AUTS2: variants seen among roughly 807,000 people sequenced by gnomAD.
The protein encoded by AUTS2 is activator of transcription and developmental regulator AUTS2.
AUTS2 carries 17 observed loss-of-function variants against 112.4 expected under a neutral mutation model. That is an observed-to-expected ratio of 0.15 (90% confidence interval 0.10 to 0.23). The LOEUF (loss-of-function observed/expected upper bound fraction) is 0.23, where lower values mean the gene tolerates loss of function less well. AUTS2 is among the 10% of genes least tolerant of loss of function. The probability of loss-of-function intolerance (pLI) is 1.00; values close to 1 mark genes in which losing one functional copy is unlikely to be tolerated. For synonymous variants in AUTS2, 751 were observed against 702.7 expected, an observed-to-expected ratio of 1.07 and a Z score of -1.09; for missense variants, 1,510 against 1,701.6, an observed-to-expected ratio of 0.89 and a Z score of 1.98.
chr7:69,632,186 A>G (rs1195148898), intron 1 of AUTS2, among the ~76,000 whole-genome samples: 1 of 152,166 alleles, frequency 6.6e-6, no homozygotes, highest in Non-Finnish European at 1.5e-5. Flanking sequence ...TGTCTGGATC[A>G]CCTATTTTGA....
At chr7:70,654,697 G>A (rs1247482383) in intron 5 of AUTS2, among the ~76,000 whole-genome samples, 1 of 152,160 alleles carries the variant, frequency 6.6e-6, no homozygotes, top group Non-Finnish European at 1.5e-5. Flanking sequence ...TACCACTATT[G>A]AGGCTAATTC....
At chr7:69,702,359 G>C (rs1215589547) in intron 1 of AUTS2, among the ~76,000 whole-genome samples, 1 of 152,190 alleles carries the variant, frequency 6.6e-6, no homozygotes, top group African/African-American at 2.4e-5. Flanking sequence ...AGGAGAAAAG[G>C]CAGAGGCAGG....
At chr7:69,666,765 G>A (rs1170112086) in intron 1 of AUTS2, among the ~76,000 whole-genome samples, 1 of 152,076 alleles carries the variant, frequency 6.6e-6, no homozygotes, top group African/African-American at 2.4e-5. Flanking sequence ...ACCTGGGTGT[G>A]GTGGTGTACA....
At chr7:69,891,938 G>A (rs1032682782) in intron 1 of AUTS2, among the ~76,000 whole-genome samples, 4 of 150,348 alleles carry the variant, frequency 2.7e-5, no homozygotes, top group African/African-American at 9.8e-5. Context: ...GATTACAGGT[G>A]CATGCCACCA....
intron 2 of AUTS2, among the ~76,000 whole-genome samples, chr7:69,949,570 A>C (rs1463886267): frequency 1.3e-5 from 2 of 152,164 alleles, no homozygotes; most frequent in African/African-American, 4.8e-5. Context: ...TAGTTTTTCT[A>C]CCTCCCAATT....
chr7:70,432,667 G>A (rs1795724023), intron 4 of AUTS2, among the ~76,000 whole-genome samples: 1 of 152,178 alleles, frequency 6.6e-6, no homozygotes, highest in Admixed American at 6.6e-5. Flanking sequence ...TTAGGAGCCA[G>A]GCAAGGCAAA....
chr7:70,684,004 G>A (rs935463494), intron 5 of AUTS2, among the ~76,000 whole-genome samples: 1 of 152,140 alleles, frequency 6.6e-6, no homozygotes, highest in Non-Finnish European at 1.5e-5. Context: ...CGACATTCTA[G>A]CTCCTCAGCT....
intron 1 of AUTS2, among the ~76,000 whole-genome samples, chr7:69,763,570 A>C (rs1291493754): frequency 2.0e-5 from 3 of 152,224 alleles, no homozygotes; most frequent in Non-Finnish European, 4.4e-5. Flanking sequence ...GATTTCAGGC[A>C]GACTAGACCG....
intron 1 of AUTS2, among the ~76,000 whole-genome samples, chr7:69,766,243 C>T (rs1788414876): frequency 6.6e-6 from 1 of 152,166 alleles, no homozygotes; most frequent in Admixed American, 6.5e-5. Context: ...TTAACATACC[C>T]TCAAGGTTCA....
chr7:70,186,535 A>G (rs938170151), intron 4 of AUTS2, among the ~76,000 whole-genome samples: 12 of 152,112 alleles, frequency 7.9e-5, no homozygotes, highest in Admixed American at 5.2e-4. Context: ...GGTAATAGTG[A>G]TACTAATATC....
intron 5 of AUTS2, among the ~76,000 whole-genome samples, chr7:70,513,224 A>C (rs2116815424): frequency 6.6e-6 from 1 of 152,380 alleles, no homozygotes; most frequent in Non-Finnish European, 1.5e-5. Flanking sequence ...GAAACCCTTC[A>C]TAACAAAGCA....
At chr7:70,062,334 G>T (rs1802290182) in intron 2 of AUTS2, among the ~76,000 whole-genome samples, 1 of 151,674 alleles carries the variant, frequency 6.6e-6, no homozygotes, top group African/African-American at 2.4e-5. Context: ...CCAACGTGAT[G>T]AAACCCTGTC....
intron 2 of AUTS2, among the ~76,000 whole-genome samples, chr7:69,942,991 A>G (rs1372068518): frequency 6.6e-6 from 1 of 152,192 alleles, no homozygotes; most frequent in Non-Finnish European, 1.5e-5. Flanking sequence ...TCGGGACCAT[A>G]TGTGTGTTCT....
intron 4 of AUTS2, among the ~76,000 whole-genome samples, chr7:70,273,471 T>TTTA (rs71077642): frequency 0.31 from 46,562 of 150,552 alleles, 7,565 homozygotes; most frequent in African/African-American, 0.41. Flanking sequence ...ACCTATAGCT[T>TTTA]TTATTATTAT....
rs530666257 is a variant in AUTS2, at chr7:70,101,022, C to T, written c.523-17110C>T. ...CCTCCCGAGTAGCTGGGACTATAGG[C>T]GCACACCACCACACCTGGCTAATTT... is the stretch of plus-strand genomic sequence containing the variant. On this transcript the variant is annotated intron_variant, in intron 2 of 18. Transcript: ENST00000342771. 9.9e-5 allele frequency among the ~76,000 whole-genome samples: 15 copies of T among 152,100 alleles called. No individual in the cohort carries two copies. The South Asian group carries it at 1.7e-3, about 17-fold the overall frequency.
chr7:70,619,883 G>T (rs968566438), intron 5 of AUTS2, among the ~76,000 whole-genome samples: 7 of 152,092 alleles, frequency 4.6e-5, no homozygotes, highest in African/African-American at 7.2e-5. Context: ...TCCGCCCATG[G>T]CTCACCCCCA....
intron 2 of AUTS2, among the ~76,000 whole-genome samples, chr7:69,964,760 T>C (rs533224923): frequency 1.3e-5 from 2 of 152,218 alleles, no homozygotes; most frequent in South Asian, 2.1e-4. Context: ...CAATCTTTCC[T>C]GAAGACATGA....
chr7:70,061,119 C>G (rs1802226034), intron 2 of AUTS2, among the ~76,000 whole-genome samples: 1 of 152,170 alleles, frequency 6.6e-6, no homozygotes, highest in Non-Finnish European at 1.5e-5. Context: ...GATGGTCAAA[C>G]TAGGTGACCT....
chr7:69,715,057 C>T (rs1411567727), intron 1 of AUTS2, among the ~76,000 whole-genome samples: 1 of 151,924 alleles, frequency 6.6e-6, no homozygotes, highest in African/African-American at 2.4e-5. Context: ...CAGTTGTGCT[C>T]ACCACTGCTT....
Sources: gnomAD v4.1 joint callset for allele counts (sites outside exome capture counted in the v4.1 genomes callset) on GRCh38, gnomAD v4.1.1 for gene constraint, MANE v1.5 for transcripts, NCBI Gene and HGNC (gene_info 2026-07-23, HGNC 2026-07-21) for gene names.